USP39: variants seen among roughly 807,000 people sequenced by gnomAD.
USP39 encodes the protein ubiquitin specific peptidase 39.
USP39 carries 38 observed loss-of-function variants against 66.4 expected under a neutral mutation model. That is an observed-to-expected ratio of 0.57 (90% CI 0.44 to 0.75). The LOEUF (loss-of-function observed/expected upper bound fraction) is 0.75, where lower values mean the gene tolerates loss of function less well. Among genes scored for constraint, USP39 ranks in the 30% least tolerant of loss-of-function variants. USP39 has a pLI of 0.00. For missense variants in USP39, 608 were observed against 714.4 expected (o/e 0.85, Z 1.70); for synonymous variants, 303 against 274.6 (o/e 1.10, Z -1.02).
At chr2:85,646,380 T>C (rs1558876514) in intron 11 of USP39, among the ~76,000 whole-genome samples, 1 of 152,264 alleles carries the variant, frequency 6.6e-6, no homozygotes, top group Non-Finnish European at 1.5e-5. Flanking sequence ...CGCCAGTTAC[T>C]TAATGTACAT....
rs1674796306 is a variant in USP39 at position 85,625,664 on chromosome 2, C to T, written c.696C>T (p.Ala232=). The T allele has an allele frequency of 2.5e-6, 4 of 1,613,680 alleles. No homozygotes were observed. Among genetic ancestry groups the T allele is most frequent in the East Asian group, 4.5e-5 (2 of 44,850 alleles). Residue 232 remains alanine (A), a synonymous_variant, in exon 5 of 13, where the codon GCC becomes GCT. Coordinates refer to ENST00000323701, the MANE Select transcript of USP39 (RefSeq NM_006590.4). Reference sequence around the variant, plus strand: ...TTGTGGGACTGAATAACATAAAGGCCAATGATTATGCCAACGCTGTCCTTC... The same window carrying T: ...TTGTGGGACTGAATAACATAAAGGCTAATGATTATGCCAACGCTGTCCTTC... ...PGIVGLNNIK[A]NDYANAVLQA...
chr2:85,619,364 G>A (rs1674274750), intron 2 of USP39, 75 bp downstream of exon 2: 1 of 1,474,210 alleles, frequency 6.8e-7, no homozygotes, highest in Admixed American at 2.0e-5. Context: ...ACTGTACAGT[G>A]AACAACACAT....
intron 6 of USP39, among the ~76,000 whole-genome samples, chr2:85,634,086 C>G (rs1436360345): frequency 6.6e-6 from 1 of 151,094 alleles, no homozygotes; most frequent in Non-Finnish European, 1.5e-5. Context: ...ATCCGTCCGC[C>G]TCGGCCTCCC....
intron 8 of USP39, among the ~76,000 whole-genome samples, chr2:85,638,162 C>T (rs901431041): frequency 3.3e-5 from 5 of 152,048 alleles, no homozygotes; most frequent in Non-Finnish European, 5.9e-5. Flanking sequence ...GCTGGGATTA[C>T]AGGCATGCGC....
At chr2:85,629,491 C>G (rs1675151159) in intron 5 of USP39, among the ~76,000 whole-genome samples, 1 of 150,488 alleles carries the variant, frequency 6.6e-6, no homozygotes, top group East Asian at 2.0e-4. Flanking sequence ...TGACCATTTT[C>G]TCTTTCTCTT....
At position 85,634,431 on chromosome 2, in the gene USP39, G is replaced by A. The variant is rs144092800; in HGVS notation, c.950-1622G>A. ...TCGACAAAAAATGTAAAAGTTAGCCGGGCATGATGGCACACGCCTGTAGTC... is the reference window on the plus strand; with the variant it reads ...TCGACAAAAAATGTAAAAGTTAGCCAGGCATGATGGCACACGCCTGTAGTC... On this transcript the variant is annotated intron_variant, in intron 6 of 12. Transcript: ENST00000323701. Among the ~76,000 whole-genome samples, 682 of 152,190 alleles carry A rather than the reference G, an allele frequency of 4.5e-3. 9 individuals carry two copies. Among genetic ancestry groups the A allele is most frequent in the Middle Eastern group, 0.02 (6 of 294 alleles).
At chr2:85,616,646 C>T (rs1573389110) in intron 1 of USP39, among the ~76,000 whole-genome samples, 183 bp downstream of exon 1, 2 of 151,470 alleles carry the variant, frequency 1.3e-5, no homozygotes, top group South Asian at 2.1e-4. Flanking sequence ...AAGACAGTAC[C>T]CTTCTCAATA....
intron 9 of USP39, among the ~76,000 whole-genome samples, chr2:85,640,573 G>T (rs920514043): frequency 3.3e-5 from 5 of 151,488 alleles, no homozygotes; most frequent in Admixed American, 1.3e-4. Flanking sequence ...ACAGGCATGA[G>T]CCACCGTGCC....
chr2:85,638,170 C>T (rs1031893500), intron 8 of USP39, among the ~76,000 whole-genome samples: 5 of 151,840 alleles, frequency 3.3e-5, no homozygotes, highest in East Asian at 2.0e-4. Context: ...TACAGGCATG[C>T]GCCACTATGC....
upstream of USP39, chr2:85,608,864 T>G: frequency 6.4e-7 from 1 of 1,573,382 alleles, no homozygotes; most frequent in South Asian, 1.2e-5. Flanking sequence ...AAACTGGTCC[T>G]GGTACCCCCA....
At chr2:85,603,602 T>G (rs1043339189) in intron 1 of USP39, among the ~76,000 whole-genome samples, 1 of 151,292 alleles carries the variant, frequency 6.6e-6, no homozygotes, top group African/African-American at 2.4e-5. Flanking sequence ...TTTCTTTTTT[T>G]TTTTTTTGAG....
chr2:85,636,783 C>G (rs147504540), intron 7 of USP39, among the ~76,000 whole-genome samples: 46 of 152,322 alleles, frequency 3.0e-4, no homozygotes, highest in South Asian at 1.5e-3. Context: ...GTGATGGTGT[C>G]TTGATGTGGG....
intron 6 of USP39, among the ~76,000 whole-genome samples, chr2:85,635,389 G>A (rs1235333578): frequency 6.6e-6 from 1 of 151,998 alleles, no homozygotes; most frequent in African/African-American, 2.4e-5. Flanking sequence ...GTGAAGCCCC[G>A]TCTCTACTAA....
At chr2:85,636,269 A>ACCGG in intron 7 of USP39, 139 bp downstream of exon 7, 1 of 759,904 alleles carries the variant, frequency 1.3e-6, no homozygotes, top group Non-Finnish European at 2.1e-6. Context: ...GGAGTTTGAG[A>ACCGG]CCGGCCTGGC....
Position 85,635,901 on chromosome 2 carries a change from AATG to A in USP39, c.950-149_950-147del, listed in dbSNP as rs139524597. The A allele has an allele frequency of 1.2e-3, 849 of 716,540 alleles. 10 individuals carry two copies. In the East Asian group the frequency reaches 0.019, roughly 16 times the overall value. 44.4% of individuals were successfully genotyped at this position (716,540 alleles called of 1,614,324 possible). ...TTGACCTTGAGGAGTGCCAGCATTT[AATG>A]ATAAGATAGAGGAGGATGCACGGCA... On this transcript the variant is annotated intron_variant, in intron 6 of 12. Coordinates refer to ENST00000323701, the MANE Select transcript of USP39 (RefSeq NM_006590.4).
At chr2:85,647,459 C>T (rs549641605) in intron 11 of USP39, among the ~76,000 whole-genome samples, 2 of 151,720 alleles carry the variant, frequency 1.3e-5, no homozygotes, top group East Asian at 3.9e-4. Flanking sequence ...TCTTTTGAGA[C>T]CAGGAGTTAG....
upstream of USP39, chr2:85,609,097 G>C (rs1222428931): frequency 5.0e-6 from 8 of 1,610,086 alleles, no homozygotes; most frequent in Non-Finnish European, 6.8e-6. Context: ...GAAGGCTCAG[G>C]GCCTGGCCTC....
chr2:85,611,130 C>T (rs1016311724), upstream of USP39: 32 of 433,928 alleles, frequency 7.4e-5, no homozygotes, highest in South Asian at 1.3e-3. Context: ...GTCCCAGGTA[C>T]TCGGGAGGCT....
upstream of USP39, chr2:85,611,573 C>G (rs1673529102): frequency 6.4e-7 from 1 of 1,551,134 alleles, no homozygotes. Flanking sequence ...ATGAGCTGAA[C>G]CTTAGGAGTA....
Sources: allele counts gnomAD v4.1 joint callset (sites outside exome capture counted in the v4.1 genomes callset), GRCh38; gene constraint gnomAD v4.1.1; transcripts MANE v1.5; gene names NCBI Gene and HGNC (gene_info 2026-07-23, HGNC 2026-07-21).